Variants in VPS35L observed in about 807,000 individuals in gnomAD.
VPS35L encodes the protein VPS35 endosomal protein-sorting factor-like.
VPS35L carries 83 observed loss-of-function variants against 133.0 expected under a neutral mutation model. The ratio of observed to expected loss-of-function variants is 0.62; its 90% confidence interval spans 0.52 to 0.75. The LOEUF (loss-of-function observed/expected upper bound fraction) is 0.75. Among genes scored for constraint, VPS35L ranks in the 30% least tolerant of loss-of-function variants. VPS35L has a pLI of 0.00. For missense variants in VPS35L, 1,083 were observed against 1,206.8 expected (o/e 0.90, Z 1.52); for synonymous variants, 423 against 449.9 (o/e 0.94, Z 0.76).
chr16:19,650,456 C>A lies in VPS35L; in HGVS notation c.2103C>A (p.Val701=). ...ATTCCAGAAAGACAGCTGCATTTGT[C>A]CGGGTATGTTCTTAAGATAAGGACT... ...GNHSRKTAAF[V]RACVAYCFIT... is the part of the protein sequence containing the mutation. Residue 701 remains valine (V), a synonymous_variant, in exon 25 of 31, where the codon GTC becomes GTA. Coordinates refer to ENST00000417362, the MANE Select transcript of VPS35L (RefSeq NM_020314.7). 1 of 1,612,844 alleles carries A rather than the reference C, an allele frequency of 6.2e-7. No homozygotes were observed. Among genetic ancestry groups the A allele is most frequent in the South Asian group, 1.1e-5 (1 of 91,052 alleles).
chr16:19,590,502 A>G (rs987325002), intron 7 of VPS35L, among the ~76,000 whole-genome samples: 3 of 152,144 alleles, frequency 2.0e-5, no homozygotes, highest in African/African-American at 7.2e-5. Context: ...TCTTCAGGGC[A>G]TGGCATTAAA....
intron 3 of VPS35L, among the ~76,000 whole-genome samples, chr16:19,572,518 A>G (rs1468783071): frequency 6.6e-6 from 1 of 152,192 alleles, no homozygotes; most frequent in Non-Finnish European, 1.5e-5. Context: ...AGTGATGTTG[A>G]AGAGGGTCTG....
intron 3 of VPS35L, among the ~76,000 whole-genome samples, chr16:19,571,147 A>G (rs1462843345): frequency 2.0e-5 from 3 of 151,934 alleles, no homozygotes; most frequent in African/African-American, 7.3e-5. Context: ...CTGCAATTAC[A>G]GGCGTAAGCC....
At chr16:19,573,064 T>C (rs1275107686) in intron 3 of VPS35L, 55 bp from the exon 4 acceptor site, 5 of 1,569,062 alleles carry the variant, frequency 3.2e-6, no homozygotes, top group East Asian at 2.3e-5. Flanking sequence ...TATATGTATA[T>C]ATTTAAAGAT....
intron 1 of VPS35L, 106 bp from the exon 2 acceptor site, chr16:19,564,745 T>C: frequency 1.3e-6 from 1 of 753,482 alleles, no homozygotes; most frequent in Non-Finnish European, 2.2e-6. Context: ...TTGGTGGGAA[T>C]ATTGTGCTGT....
intron 25 of VPS35L, among the ~76,000 whole-genome samples, chr16:19,650,715 A>G (rs138006272): frequency 6.6e-6 from 1 of 152,248 alleles, no homozygotes; most frequent in African/African-American, 2.4e-5. Flanking sequence ...CTGCATTTTT[A>G]TGTGCCAGCT....
intron 7 of VPS35L, among the ~76,000 whole-genome samples, chr16:19,582,553 T>A (rs1971742993): frequency 6.6e-6 from 1 of 152,210 alleles, no homozygotes; most frequent in Non-Finnish European, 1.5e-5. Flanking sequence ...TTCTCTTCAA[T>A]CACTGTTGTT....
At chr16:19,579,825 A>G (rs1444967418) in intron 6 of VPS35L, 1 of 152,084 alleles carries the variant, frequency 6.6e-6, no homozygotes, top group Non-Finnish European at 1.5e-5. Context: ...ATTGGCCTAC[A>G]TGTACTTTGA....
chr16:19,619,324 A>G (rs946447569), intron 14 of VPS35L, among the ~76,000 whole-genome samples: 2 of 152,164 alleles, frequency 1.3e-5, no homozygotes, highest in African/African-American at 4.8e-5. Flanking sequence ...AAACTGGGAC[A>G]TCTTGTACTT....
intron 23 of VPS35L, among the ~76,000 whole-genome samples, chr16:19,646,400 G>A (rs911788561): frequency 4.6e-5 from 7 of 152,116 alleles, no homozygotes; most frequent in African/African-American, 1.7e-4. Context: ...CAGGCGCGGT[G>A]GCTCACATCT....
Position 19,699,302 on chromosome 16 carries a change from A to G in VPS35L, c.2647-200A>G. 1.7e-6 allele frequency: 1 copy of G among 576,926 alleles called. No homozygotes were observed. Among genetic ancestry groups the G allele is most frequent in the African/African-American group, 1.9e-5 (1 of 53,476 alleles). 35.7% of individuals were successfully genotyped at this position (576,926 alleles called of 1,614,324 possible). ...ATCTTACTGAATCCCCGCCCTTTGC[A>G]GGGGTGACCTTACTGTCACTTACAG... On this transcript the variant is annotated intron_variant, in intron 29 of 30. Transcript: ENST00000417362. The surrounding 1 kb of genome is among the most constrained non-coding windows in gnomAD (Gnocchi z 4.2).
At chr16:19,673,046 A>G (rs1974929946) in intron 27 of VPS35L, among the ~76,000 whole-genome samples, 2 of 152,206 alleles carry the variant, frequency 1.3e-5, no homozygotes, top group South Asian at 4.1e-4. Flanking sequence ...GGAAAGTTTT[A>G]TAACTCCTCA....
chr16:19,640,045 C>T lies in VPS35L; in HGVS notation c.1729C>T (p.Gln577Ter). The T allele has an allele frequency of 6.2e-7, 1 of 1,614,042 alleles. No individual in the cohort carries two copies. The highest frequency in any genetic ancestry group is 8.5e-7 in the Non-Finnish European group (1 of 1,179,992). The change falls in exon 21 of 31, where the codon CAA becomes TAA. Residue 577 changes from glutamine to a stop codon, truncating the protein, a stop_gained. Coordinates refer to ENST00000417362, the MANE Select transcript of VPS35L (RefSeq NM_020314.7). LOFTEE classifies it high-confidence loss of function. ...EKFLPFLDMF[Q>*]KESVRVEVCK... is the part of the protein sequence containing the mutation. ...ATTTCTGCCGTTTCTGGACATGTTC[C>T]AAAAAGAGAGTGTGCGGGTGGAGGT... is the stretch of plus-strand genomic sequence containing the variant.
At chr16:19,691,267 G>T (rs544937876) in intron 28 of VPS35L, 86 bp from the exon 29 acceptor site, 1 of 1,052,608 alleles carries the variant, frequency 9.5e-7, no homozygotes. Flanking sequence ...CTGCTGACTC[G>T]GTGTGACATG....
rs1974001991 is a variant in VPS35L at position 19,647,862 on chromosome 16, G to T, written c.2008G>T (p.Val670Phe). ...GTCGATGTTTTGCAATCTGGAGCCT[G>T]TTCTTGTGCAGTTGATTCATGTAAG... ...SRSMFCNLEP[V>F]LVQLIHSVNR... Residue 670 changes from valine to phenylalanine, a missense_variant, in exon 24 of 31, where the codon GTT (valine) becomes TTT (phenylalanine). Coordinates refer to ENST00000417362, the MANE Select transcript of VPS35L (RefSeq NM_020314.7). The T allele has an allele frequency of 6.2e-7, 1 of 1,613,636 alleles. No homozygotes were observed. Among genetic ancestry groups the T allele is most frequent in the Admixed American group, 1.7e-5 (1 of 59,976 alleles).
chr16:19,615,227 C>G (rs1567424601), intron 12 of VPS35L, among the ~76,000 whole-genome samples: 1 of 152,164 alleles, frequency 6.6e-6, no homozygotes, highest in Non-Finnish European at 1.5e-5. Context: ...GATTTGTTCT[C>G]TTGGTCGTCT....
At position 19,699,336 on chromosome 16, in the gene VPS35L, G is replaced by C; in HGVS notation, c.2647-166G>C. On this transcript the variant is annotated intron_variant, in intron 29 of 30. Coordinates refer to ENST00000417362, the MANE Select transcript of VPS35L (RefSeq NM_020314.7). The surrounding 1 kb of genome is among the most constrained non-coding windows in gnomAD (Gnocchi z 4.2). ...CTTACTGTCACTTACAGATGAAGCA[G>C]CTGGGACTTTGGGAGGTTCAGCAGC... 1 of 765,976 alleles carries C rather than the reference G, an allele frequency of 1.3e-6. No homozygotes were observed. The highest frequency in any genetic ancestry group is 2.1e-6 in the Non-Finnish European group (1 of 485,706). 47.4% of individuals were successfully genotyped at this position (765,976 alleles called of 1,614,324 possible). A position where few individuals can be genotyped will look rare whatever the true frequency, so the allele number is the denominator to read the frequency against.
intron 15 of VPS35L, 150 bp from the exon 16 acceptor site, chr16:19,627,544 C>T (rs1217310964): frequency 6.3e-6 from 4 of 637,630 alleles, no homozygotes; most frequent in South Asian, 3.7e-5. Flanking sequence ...GTTAGTCTCT[C>T]CAGTTTACCT....
intron 1 of VPS35L, among the ~76,000 whole-genome samples, chr16:19,556,259 T>TG (rs886358052): frequency 1.5e-4 from 23 of 152,200 alleles, no homozygotes; most frequent in African/African-American, 5.1e-4. Flanking sequence ...GACAGTATAA[T>TG]GGGGCAGACG....
Sources: allele counts gnomAD v4.1 joint callset (sites outside exome capture counted in the v4.1 genomes callset), GRCh38; gene constraint gnomAD v4.1.1; non-coding constraint Gnocchi (gnomAD v3.1); transcripts MANE v1.5; gene names NCBI Gene and HGNC (gene_info 2026-07-23, HGNC 2026-07-21).